Variants in CAMKMT observed in about 807,000 individuals in gnomAD.
CAMKMT encodes calmodulin-lysine N-methyltransferase, also known as CaM KMT.
In CAMKMT, 53 loss-of-function variants were observed where a neutral mutation model predicts 48.0. That is an observed-to-expected ratio of 1.10 (90% CI 0.89 to 1.39). CAMKMT has a LOEUF of 1.39. Ranked by LOEUF, CAMKMT falls within the 40% of genes most tolerant of loss-of-function variation. The pLI, the probability that CAMKMT is intolerant of heterozygous loss-of-function variation, is 0.00. For missense variants in CAMKMT, 428 were observed against 402.7 expected (o/e 1.06, Z -0.54); for synonymous variants, 165 against 152.3 (o/e 1.08, Z -0.61).
intron 3 of CAMKMT, among the ~76,000 whole-genome samples, chr2:44,593,363 G>A (rs887425829): frequency 6.6e-6 from 1 of 152,124 alleles, no homozygotes; most frequent in African/African-American, 2.4e-5. Flanking sequence ...ATACTCTGAT[G>A]AATACTCAAA....
chr2:44,540,974 C>A (rs1667076031), intron 3 of CAMKMT, among the ~76,000 whole-genome samples: 1 of 152,158 alleles, frequency 6.6e-6, no homozygotes, highest in Non-Finnish European at 1.5e-5. Context: ...AAAAGTTCAT[C>A]TTTGTCTCAA....
intron 2 of CAMKMT, among the ~76,000 whole-genome samples, chr2:44,374,756 T>C (rs1679510654): frequency 1.3e-5 from 2 of 152,214 alleles, no homozygotes. Context: ...AATGTATATC[T>C]ATACAAATAT....
intron 3 of CAMKMT, among the ~76,000 whole-genome samples, chr2:44,701,351 A>G (rs1378326837): frequency 6.6e-6 from 1 of 152,136 alleles, no homozygotes; most frequent in African/African-American, 2.4e-5. Flanking sequence ...GTGGTATCTC[A>G]TTTAGGTTTT....
At chr2:44,765,547 GATTCTGAAGTTTGGCC>G (rs1334061891) in intron 9 of CAMKMT, among the ~76,000 whole-genome samples, 12 of 149,762 alleles carry the variant, frequency 8.0e-5, no homozygotes, top group African/African-American at 2.2e-4. Flanking sequence ...AAAAAAAGGA[GATTCTGAAGTTTGGCC>G]ATTCTGTACA....
chr2:44,439,296 A>T (rs1321610650), intron 3 of CAMKMT, among the ~76,000 whole-genome samples: 1 of 152,048 alleles, frequency 6.6e-6, no homozygotes, highest in Admixed American at 6.6e-5. Flanking sequence ...TTTATCCTAC[A>T]ATTAATCCTC....
rs190216003 is a variant in CAMKMT at position 44,699,762 on chromosome 2, G to T, written c.377-4521G>T. On this transcript the variant is annotated intron_variant, in intron 3 of 10. Coordinates refer to ENST00000378494, the MANE Select transcript of CAMKMT (RefSeq NM_024766.5). ...AGTAGCCCGATAGGCACCTGCCACTGAGCCAGGCTAGACTTAGCATAATTC... is the reference window on the plus strand; with the variant it reads ...AGTAGCCCGATAGGCACCTGCCACTTAGCCAGGCTAGACTTAGCATAATTC... Among the ~76,000 whole-genome samples the T allele has an allele frequency of 5.5e-4, 84 of 152,196 alleles. 2 individuals carry two copies. In the South Asian group the frequency reaches 9.8e-3, roughly 18 times the overall value.
chr2:44,395,664 A>G (rs958448133), intron 3 of CAMKMT, among the ~76,000 whole-genome samples: 5 of 152,200 alleles, frequency 3.3e-5, no homozygotes, highest in African/African-American at 1.2e-4. Context: ...ATAGGAAACA[A>G]TAAGTACTTT....
chr2:44,374,741 G>A (rs1187797592), intron 2 of CAMKMT, among the ~76,000 whole-genome samples: 1 of 152,094 alleles, frequency 6.6e-6, no homozygotes, highest in Non-Finnish European at 1.5e-5. Context: ...ATATATGAAA[G>A]AATAAATGTA....
rs1253357145 is a variant in CAMKMT at position 44,537,158 on chromosome 2, C to G, written c.376+146853C>G. ...CATAGACAACAAAAACAAAAATGTA[C>G]AAATGGGACAATATTAAACTAAAAA... is the stretch of plus-strand genomic sequence containing the variant. On this transcript the variant is annotated intron_variant, in intron 3 of 10. Coordinates refer to ENST00000378494, the MANE Select transcript of CAMKMT (RefSeq NM_024766.5). 2.0e-5 allele frequency among the ~76,000 whole-genome samples: 3 copies of G among 152,040 alleles called. 1 individual carries two copies. Among genetic ancestry groups the G allele is most frequent in the Admixed American group, 1.3e-4 (2 of 15,266 alleles).
At chr2:44,389,627 AATAGT>A (rs1334479392) in intron 2 of CAMKMT, among the ~76,000 whole-genome samples, 14 of 152,296 alleles carry the variant, frequency 9.2e-5, no homozygotes, top group African/African-American at 3.1e-4. Context: ...GTATATAACA[AATAGT>A]ATTTTTCATA....
chr2:44,459,747 A>T (rs1667755122), intron 3 of CAMKMT, among the ~76,000 whole-genome samples: 1 of 152,198 alleles, frequency 6.6e-6, no homozygotes, highest in African/African-American at 2.4e-5. Context: ...GCAAGCCTTG[A>T]TAGCAAAGTG....
chr2:44,621,123 C>T (rs546952823), intron 3 of CAMKMT, among the ~76,000 whole-genome samples: 7 of 152,078 alleles, frequency 4.6e-5, no homozygotes, highest in African/African-American at 1.4e-4. Context: ...AAAAAATTAG[C>T]TGGGCGTGGT....
At chr2:44,706,531 A>C (rs1677573142) in intron 5 of CAMKMT, among the ~76,000 whole-genome samples, 190 bp downstream of exon 5, 2 of 152,110 alleles carry the variant, frequency 1.3e-5, no homozygotes, top group Non-Finnish European at 2.9e-5. Context: ...CGATGAGCAG[A>C]AACATTTTAC....
rs1572895821 is a variant in CAMKMT at position 44,601,725 on chromosome 2, T to C, written c.377-102558T>C. Among the ~76,000 whole-genome samples the C allele has an allele frequency of 2.0e-5, 3 of 152,096 alleles. No homozygotes were observed. In the East Asian group the frequency reaches 5.8e-4, roughly 29 times the overall value. On this transcript the variant is annotated intron_variant, in intron 3 of 10. Transcript: ENST00000378494. ...TCTTGCTCTAAGACATTGAATACCT[T>C]TGTTTTTTTAAGTTATTTTTAAAAC...
In CAMKMT at chr2:44,664,480, G is replaced by A. The variant is rs763017983; in HGVS notation, c.377-39803G>A. Among the ~76,000 whole-genome samples the A allele has an allele frequency of 5.9e-5, 9 of 152,202 alleles. No homozygotes were observed. The South Asian group carries it at 1.7e-3, about 28-fold the overall frequency. ...TCAGTGCTGGGTATAGAATAGATGT[G>A]TAATAGACATGTTCGGTAATCAGTG... On this transcript the variant is annotated intron_variant, in intron 3 of 10. Coordinates refer to ENST00000378494, the MANE Select transcript of CAMKMT (RefSeq NM_024766.5).
intron 10 of CAMKMT, among the ~76,000 whole-genome samples, chr2:44,767,698 C>T (rs1053209134): frequency 3.9e-5 from 6 of 152,052 alleles, no homozygotes; most frequent in African/African-American, 1.4e-4. Context: ...CAGATCTTAC[C>T]AGCCTCTCTA....
rs577968794 is a variant in CAMKMT at position 44,575,968 on chromosome 2, G to A, written c.377-128315G>A. 2.0e-5 allele frequency among the ~76,000 whole-genome samples: 3 copies of A among 152,172 alleles called. No individual in the cohort carries two copies. The South Asian group carries it at 6.2e-4, about 32-fold the overall frequency. On this transcript the variant is annotated intron_variant, in intron 3 of 10. Coordinates refer to ENST00000378494, the MANE Select transcript of CAMKMT (RefSeq NM_024766.5). ...ATTATATCCTGATCTGGGAAATGTT[G>A]AACATAGAGAGGGCACAGGTGGTGA...
intron 3 of CAMKMT, among the ~76,000 whole-genome samples, chr2:44,546,963 T>C (rs186851294): frequency 1.0e-3 from 155 of 152,298 alleles, no homozygotes; most frequent in Admixed American, 2.6e-3. Flanking sequence ...GGGTTTTTAC[T>C]TCACAACATA....
At chr2:44,473,501 T>C (rs1193744577) in intron 3 of CAMKMT, among the ~76,000 whole-genome samples, 1 of 152,188 alleles carries the variant, frequency 6.6e-6, no homozygotes, top group African/African-American at 2.4e-5. Context: ...TGGTATGTTT[T>C]ATAAGCGTGG....
Sources: allele counts gnomAD v4.1 joint callset (sites outside exome capture counted in the v4.1 genomes callset), GRCh38; gene constraint gnomAD v4.1.1; transcripts MANE v1.5; gene names NCBI Gene and HGNC (gene_info 2026-07-23, HGNC 2026-07-21).